Variants in B3GALT1 observed in about 807,000 individuals in gnomAD.
The protein encoded by B3GALT1 is beta-1,3-galactosyltransferase 1.
In B3GALT1, 10 loss-of-function variants were observed where a neutral mutation model predicts 23.2. The ratio of observed to expected loss-of-function variants is 0.43; its 90% CI spans 0.27 to 0.73. The LOEUF is 0.73. Ranked by LOEUF, B3GALT1 falls within the 30% of genes least tolerant of loss-of-function variation. The probability of loss-of-function intolerance (pLI) is 0.21; values close to 1 mark genes in which losing one functional copy is unlikely to be tolerated. For synonymous variants in B3GALT1, 156 were observed against 141.5 expected (o/e 1.10, Z -0.73); for missense variants, 299 against 405.4 (o/e 0.74, Z 2.25).
At chr2:167,363,473 A>G (rs751109986) in intron 1 of B3GALT1, among the ~76,000 whole-genome samples, 11 of 151,902 alleles carry the variant, frequency 7.2e-5, no homozygotes, top group Admixed American at 5.9e-4. Context: ...CTCTCCCTTC[A>G]AGCCCCACAC....
rs536283536 is a variant in B3GALT1 at position 167,663,418 on chromosome 2, C to T, written c.-352+16452C>T. On this transcript the variant is annotated intron_variant, in intron 3 of 4. Coordinates refer to ENST00000392690, the MANE Select transcript of B3GALT1 (RefSeq NM_020981.4). The stretch of plus-strand genomic sequence containing the variant: ...CTATTGTGAATAATGCCGCAATAAA[C>T]ATACGTGTGCATGTGTCTTTATAGC... 3.3e-3 allele frequency among the ~76,000 whole-genome samples: 506 copies of T among 152,074 alleles called. 1 individual carries two copies. Among genetic ancestry groups the T allele is most frequent in the Non-Finnish European group, 5.2e-3 (356 of 67,960 alleles).
At chr2:167,364,673 C>G (rs1697559034) in intron 1 of B3GALT1, among the ~76,000 whole-genome samples, 1 of 152,112 alleles carries the variant, frequency 6.6e-6, no homozygotes. Flanking sequence ...TGAACTCATC[C>G]TTTTTTATGG....
chr2:167,805,139 C>T (rs1688725441), intron 3 of B3GALT1, among the ~76,000 whole-genome samples: 1 of 152,170 alleles, frequency 6.6e-6, no homozygotes, highest in Non-Finnish European at 1.5e-5. Context: ...TGAGAAGTGT[C>T]TGTTCATATC....
At chr2:167,783,283 T>G (rs755512531) in intron 3 of B3GALT1, among the ~76,000 whole-genome samples, 2 of 152,170 alleles carry the variant, frequency 1.3e-5, no homozygotes, top group Admixed American at 6.5e-5. Context: ...GTCAAATGTT[T>G]GTGGCCCACA....
intron 2 of B3GALT1, among the ~76,000 whole-genome samples, chr2:167,530,967 G>A (rs1424293331): frequency 6.6e-6 from 1 of 152,152 alleles, no homozygotes; most frequent in East Asian, 1.9e-4. Context: ...GTATGTAGTT[G>A]AATGGATTGC....
At chr2:167,347,213 C>T (rs1697234163) in intron 1 of B3GALT1, among the ~76,000 whole-genome samples, 1 of 152,132 alleles carries the variant, frequency 6.6e-6, no homozygotes, top group South Asian at 2.1e-4. Context: ...AATGCAGAGT[C>T]ATCCCAGGTA....
intron 3 of B3GALT1, among the ~76,000 whole-genome samples, chr2:167,690,869 A>T (rs1194910800): frequency 6.6e-6 from 1 of 152,088 alleles, no homozygotes; most frequent in Non-Finnish European, 1.5e-5. Context: ...AATTATTTGC[A>T]TGCAGAAGAA....
At chr2:167,357,827 T>C (rs1697439179) in intron 1 of B3GALT1, among the ~76,000 whole-genome samples, 1 of 152,202 alleles carries the variant, frequency 6.6e-6, no homozygotes, top group Admixed American at 6.5e-5. Flanking sequence ...ACATTGCACA[T>C]TCATCTTTTT....
At chr2:167,402,266 C>A (rs1473258307) in intron 1 of B3GALT1, among the ~76,000 whole-genome samples, 2 of 151,806 alleles carry the variant, frequency 1.3e-5, no homozygotes, top group Non-Finnish European at 2.9e-5. Context: ...AAAATAATAG[C>A]GTGTCATCAA....
chr2:167,481,290 C>A (rs773783426), intron 1 of B3GALT1, among the ~76,000 whole-genome samples: 1 of 152,224 alleles, frequency 6.6e-6, no homozygotes. Context: ...CGCTACAGAA[C>A]AAACCCACAG....
At chr2:167,548,316 C>T (rs1683677610) in intron 2 of B3GALT1, among the ~76,000 whole-genome samples, 1 of 152,148 alleles carries the variant, frequency 6.6e-6, no homozygotes, top group Non-Finnish European at 1.5e-5. Flanking sequence ...AGTGACTTCC[C>T]AACTCCACCT....
intron 2 of B3GALT1, among the ~76,000 whole-genome samples, chr2:167,542,514 A>G (rs1414279246): frequency 3.3e-5 from 5 of 152,170 alleles, no homozygotes; most frequent in Admixed American, 2.0e-4. Context: ...AATATATATT[A>G]TGATTCAGGG....
intron 3 of B3GALT1, among the ~76,000 whole-genome samples, chr2:167,671,166 A>G (rs1056766435): frequency 6.6e-6 from 1 of 152,160 alleles, no homozygotes; most frequent in Non-Finnish European, 1.5e-5. Flanking sequence ...ATACAAAGCA[A>G]ATATTAACAG....
intron 4 of B3GALT1, among the ~76,000 whole-genome samples, chr2:167,864,016 G>GTGTGTGTGTT (rs1553497859): frequency 2.8e-4 from 43 of 151,934 alleles, no homozygotes; most frequent in African/African-American, 1.0e-3. Flanking sequence ...GTGTGTGTGT[G>GTGTGTGTGTT]TGTGTGTGTG....
At chr2:167,584,806 G>T (rs967471373) in intron 2 of B3GALT1, among the ~76,000 whole-genome samples, 5 of 152,148 alleles carry the variant, frequency 3.3e-5, no homozygotes, top group Admixed American at 3.3e-4. Context: ...ATGGAAAGGG[G>T]CACGGAGCTT....
rs796649898 is a variant in B3GALT1 at position 167,774,472 on chromosome 2, G to GT, written c.-351-44188dup. ...TTCTGTAGTTTTTCTGTGTTTATTG[G>GT]TTTTTTTTTTTTGTTTTTTTTTTTG... On this transcript the variant is annotated intron_variant, in intron 3 of 4. Coordinates refer to ENST00000392690, the MANE Select transcript of B3GALT1 (RefSeq NM_020981.4). Among the ~76,000 whole-genome samples the GT allele has an allele frequency of 5.1e-3, 570 of 111,918 alleles. 2 individuals carry two copies. Among genetic ancestry groups the GT allele is most frequent in the African/African-American group, 0.011 (335 of 29,556 alleles). The allele number at this position is 111,918 out of a possible 152,430, so 73.4% of individuals were successfully genotyped here. A position where few individuals can be genotyped will look rare whatever the true frequency, so the allele number is the denominator to read the frequency against.
At chr2:167,770,519 T>A (rs929269879) in intron 3 of B3GALT1, among the ~76,000 whole-genome samples, 7 of 152,204 alleles carry the variant, frequency 4.6e-5, no homozygotes, top group Non-Finnish European at 8.8e-5. Context: ...TGCGTATAAG[T>A]CGTTTCTCAG....
chr2:167,570,250 C>T (rs948415617), intron 2 of B3GALT1, among the ~76,000 whole-genome samples: 3 of 151,750 alleles, frequency 2.0e-5, no homozygotes, highest in Admixed American at 6.6e-5. Flanking sequence ...TAATTTCTTC[C>T]TTAAATGTTT....
At chr2:167,421,153 C>T (rs945584271) in intron 1 of B3GALT1, among the ~76,000 whole-genome samples, 5 of 152,160 alleles carry the variant, frequency 3.3e-5, no homozygotes, top group Non-Finnish European at 5.9e-5. Context: ...GTGGTAAGTA[C>T]TAATGACAAA....
Sources: allele counts gnomAD v4.1 joint callset (sites outside exome capture counted in the v4.1 genomes callset), GRCh38; gene constraint gnomAD v4.1.1; transcripts MANE v1.5; gene names NCBI Gene and HGNC (gene_info 2026-07-23, HGNC 2026-07-21).